Variants in HPSE2 observed in about 807,000 individuals in gnomAD.
The protein encoded by HPSE2 is inactive heparanase-2.
Under a neutral mutation model 60.5 loss-of-function variants are expected in HPSE2, and 38 were observed. The observed-to-expected ratio is 0.63, with a 90% CI of 0.48 to 0.82. The LOEUF (loss-of-function observed/expected upper bound fraction) is 0.82, where lower values mean the gene tolerates loss of function less well. HPSE2 is among the 40% of genes least tolerant of loss of function. The pLI is 0.00. For synonymous variants in HPSE2, 295 were observed against 293.2 expected, an observed-to-expected ratio of 1.01 and a Z score of -0.06; for missense variants, 713 against 740.4, an observed-to-expected ratio of 0.96 and a Z score of 0.43.
chr10:98,473,330 C>T (rs910949000), intron 11 of HPSE2, among the ~76,000 whole-genome samples: 3 of 151,758 alleles, frequency 2.0e-5, no homozygotes, highest in South Asian at 2.1e-4. Flanking sequence ...ACTAAAAATA[C>T]AAAAATTAGC....
At chr10:98,917,958 A>C (rs1436327879) in intron 3 of HPSE2, among the ~76,000 whole-genome samples, 1 of 152,190 alleles carries the variant, frequency 6.6e-6, no homozygotes, top group Admixed American at 6.5e-5. Context: ...ACAGAAATTA[A>C]AGTGATACCA....
At chr10:98,700,132 G>GA (rs879504511) in intron 5 of HPSE2, among the ~76,000 whole-genome samples, 1 of 151,176 alleles carries the variant, frequency 6.6e-6, no homozygotes, top group Non-Finnish European at 1.5e-5. Context: ...CACAGAATTG[G>GA]AAAAAAACTA....
At chr10:98,932,250 T>C (rs976736920) in intron 3 of HPSE2, among the ~76,000 whole-genome samples, 2 of 144,478 alleles carry the variant, frequency 1.4e-5, no homozygotes, top group African/African-American at 2.8e-5. Flanking sequence ...TCTTTAGTTC[T>C]GTTTATGTGA....
At chr10:98,709,820 C>T (rs898704468) in intron 5 of HPSE2, among the ~76,000 whole-genome samples, 1 of 152,160 alleles carries the variant, frequency 6.6e-6, no homozygotes, top group African/African-American at 2.4e-5. Context: ...CCCATCTTTA[C>T]TCATGGTCTT....
intron 6 of HPSE2, among the ~76,000 whole-genome samples, chr10:98,647,626 C>G (rs1225873096): frequency 2.0e-5 from 3 of 152,144 alleles, no homozygotes. Context: ...TCTGCCGCCT[C>G]GAAGCAAACA....
chr10:99,042,104 T>C (rs1167131999), intron 3 of HPSE2, among the ~76,000 whole-genome samples: 1 of 150,712 alleles, frequency 6.6e-6, no homozygotes, highest in African/African-American at 2.4e-5. Flanking sequence ...TGGAAGTCCC[T>C]AGAGACAACT....
At chr10:98,701,852 A>G (rs1226655530) in intron 5 of HPSE2, among the ~76,000 whole-genome samples, 3 of 152,122 alleles carry the variant, frequency 2.0e-5, no homozygotes, top group African/African-American at 7.2e-5. Flanking sequence ...CACTGCAAAA[A>G]CATACCAAAA....
At chr10:98,676,039 A>G (rs201184474) in intron 6 of HPSE2, among the ~76,000 whole-genome samples, 3 of 108,716 alleles carry the variant, frequency 2.8e-5, no homozygotes, top group East Asian at 3.3e-4. Flanking sequence ...TGCCTCAAAG[A>G]AAAAAAAAAA....
At chr10:98,504,384 T>C (rs1942125875) in intron 9 of HPSE2, among the ~76,000 whole-genome samples, 1 of 152,212 alleles carries the variant, frequency 6.6e-6, no homozygotes, top group South Asian at 2.1e-4. Context: ...TCATTTAAAT[T>C]TTTTTCCATT....
At chr10:99,018,934 T>G (rs1035994318) in intron 3 of HPSE2, among the ~76,000 whole-genome samples, 1 of 152,196 alleles carries the variant, frequency 6.6e-6, no homozygotes, top group Non-Finnish European at 1.5e-5. Flanking sequence ...TTTAGAAATT[T>G]CAAAGAAATG....
At chr10:98,967,091 G>A (rs1047129256) in intron 3 of HPSE2, among the ~76,000 whole-genome samples, 2 of 152,180 alleles carry the variant, frequency 1.3e-5, no homozygotes, top group Admixed American at 6.5e-5. Context: ...TAAATTAGGA[G>A]AAGGGGGTAG....
At chr10:98,497,522 T>G (rs1161765980) in intron 9 of HPSE2, among the ~76,000 whole-genome samples, 1 of 152,230 alleles carries the variant, frequency 6.6e-6, no homozygotes, top group African/African-American at 2.4e-5. Context: ...TTATCATTTA[T>G]TTTAATATCT....
In HPSE2 at chr10:99,235,557, C is replaced by T. The variant is rs1050805674; in HGVS notation, c.246G>A (p.Gln82=). The T allele has an allele frequency of 6.2e-7, 1 of 1,614,088 alleles. No homozygotes were observed. The highest frequency in any genetic ancestry group is 8.5e-7 in the Non-Finnish European group (1 of 1,180,016). ...RTVNENFLSL[Q]LDPSIIHDGW... ...CATCATGAATGATGGACGGATCCAG[C>T]TGCAGAGAGAGGAAGTTCTCATTGA... is the stretch of plus-strand genomic sequence containing the variant. Residue 82 remains glutamine (Q), a synonymous_variant, in exon 1 of 12, where the codon CAG becomes CAA. Transcript: ENST00000370552.
chr10:99,230,521 T>C (rs1419568467), intron 2 of HPSE2, among the ~76,000 whole-genome samples: 1 of 152,078 alleles, frequency 6.6e-6, no homozygotes, highest in African/African-American at 2.4e-5. Flanking sequence ...TCTTAGATCT[T>C]TTCCGTTTAT....
intron 3 of HPSE2, among the ~76,000 whole-genome samples, chr10:98,837,738 G>T (rs551816460): frequency 2.1e-3 from 327 of 152,268 alleles, no homozygotes; most frequent in Admixed American, 4.0e-3. Flanking sequence ...GCCGGGCGTG[G>T]TGGCGGGCGC....
chr10:98,474,687 A>G (rs11598922), intron 11 of HPSE2, among the ~76,000 whole-genome samples: 17,639 of 152,264 alleles, frequency 0.12, 1,083 homozygotes, highest in Non-Finnish European at 0.15. Context: ...ATAGGCAATA[A>G]GATTTTTGGT....
chr10:99,289,082 A>C, the HPSE2 span, among the ~76,000 whole-genome samples: 1 of 152,278 alleles, frequency 6.6e-6, no homozygotes, highest in Non-Finnish European at 1.5e-5. Context: ...CGTCCCTGTA[A>C]GAAGTGACAA....
At chr10:99,114,482 A>C (rs898743783) in intron 3 of HPSE2, among the ~76,000 whole-genome samples, 5 of 152,222 alleles carry the variant, frequency 3.3e-5, no homozygotes, top group African/African-American at 1.2e-4. Context: ...ATGAAAAACA[A>C]GAAGTAATCA....
intron 2 of HPSE2, among the ~76,000 whole-genome samples, chr10:99,217,244 C>A: frequency 6.8e-6 from 1 of 148,122 alleles, no homozygotes; most frequent in Non-Finnish European, 1.5e-5. Flanking sequence ...ATGCCCTCCT[C>A]CTGGTTCCCG....
Sources: gnomAD v4.1 joint callset for allele counts (sites outside exome capture counted in the v4.1 genomes callset) on GRCh38, gnomAD v4.1.1 for gene constraint, MANE v1.5 for transcripts, NCBI Gene and HGNC (gene_info 2026-07-23, HGNC 2026-07-21) for gene names.